The following CCDC3 variants were observed in gnomAD, a reference collection of about 807,000 sequenced individuals.
CCDC3 encodes coiled-coil domain containing 3, also known as coiled-coil domain-containing protein 3.
Under a neutral mutation model 21.4 loss-of-function variants are expected in CCDC3, and 24 were observed. That is an observed-to-expected ratio of 1.12 (90% confidence interval 0.81 to 1.58). CCDC3 has a LOEUF of 1.58. Ranked by LOEUF, CCDC3 falls within the 40% of genes most tolerant of loss-of-function variation. The probability of loss-of-function intolerance (pLI) is 0.00; values close to 1 mark genes in which losing one functional copy is unlikely to be tolerated. For synonymous variants in CCDC3, 186 were observed against 166.0 expected (o/e 1.12, Z -0.93); for missense variants, 425 against 360.9 (o/e 1.18, Z -1.44).
rs1430755136 is a variant in CCDC3 at position 13,036,515 on chromosome 10, C to T, written c.-2+13159G>A. On this transcript the variant is annotated intron_variant, in intron 5 of 6. Coordinates refer to the CCDC3 transcript ENST00000378839. Reference sequence around the variant, plus strand: ...TGTTTTTGTTTTTCAGATGGAGTCTCGCTCTGTGGTCTAGGCTGGAGTGCA... The same window carrying T: ...TGTTTTTGTTTTTCAGATGGAGTCTTGCTCTGTGGTCTAGGCTGGAGTGCA... 3.9e-5 allele frequency among the ~76,000 whole-genome samples: 6 copies of T among 152,216 alleles called. No individual in the cohort carries two copies. The East Asian group carries it at 1.2e-3, about 29-fold the overall frequency.
At chr10:13,075,023 G>C (rs1057197090) in intron 3 of CCDC3, among the ~76,000 whole-genome samples, 1 of 152,158 alleles carries the variant, frequency 6.6e-6, no homozygotes, top group Admixed American at 6.5e-5. Context: ...GCTGGACATG[G>C]ACAAACAATC....
intron 2 of CCDC3, among the ~76,000 whole-genome samples, chr10:12,933,709 C>G (rs993026359): frequency 3.9e-5 from 6 of 152,212 alleles, no homozygotes; most frequent in Non-Finnish European, 5.9e-5. Flanking sequence ...CCGCCCGACT[C>G]GGCCTCCCAA....
chr10:13,041,534 TTTTTTTTTTG>T (rs1836455974), intron 5 of CCDC3, among the ~76,000 whole-genome samples: 1 of 102,474 alleles, frequency 9.8e-6, no homozygotes, highest in Non-Finnish European at 2.1e-5. Context: ...TTTTTTTTTT[TTTTTTTTTTG>T]AGCCAGAGTC....
intron 2 of CCDC3, among the ~76,000 whole-genome samples, chr10:12,926,808 T>G (rs1178417279): frequency 6.6e-6 from 1 of 152,146 alleles, no homozygotes; most frequent in Admixed American, 6.5e-5. Context: ...AAAGTAGACT[T>G]CAGAACAACA....
chr10:12,898,433 G>A lies in CCDC3; in HGVS notation c.796C>T (p.Pro266Ser), dbSNP rs763414580. The A allele has an allele frequency of 1.2e-6, 2 of 1,603,900 alleles. No individual in the cohort carries two copies. The highest frequency in any genetic ancestry group is 1.7e-6 in the Non-Finnish European group (2 of 1,173,964). ...HINARGPVRP[P>S]YLRG ...CAGGCCCGTTACCCCCGCAGGTAGG[G>A]GGGGCGCACGGGCCCCCGGGCATTG... is the stretch of plus-strand genomic sequence containing the variant. Residue 266 changes from proline to serine, a missense_variant, in exon 3 of 3, where the codon CCC (proline) becomes TCC (serine). Physicochemically the swap from Pro to Ser is moderately conservative, Grantham distance 74 (BLOSUM62 -1). Transcript: ENST00000378825.
chr10:12,980,509 G>A (rs1835480750), intron 2 of CCDC3, among the ~76,000 whole-genome samples: 1 of 152,194 alleles, frequency 6.6e-6, no homozygotes, highest in African/African-American at 2.4e-5. Context: ...TGATGGATGG[G>A]ATGAGGCAGA....
intron 3 of CCDC3, among the ~76,000 whole-genome samples, chr10:13,084,677 G>A (rs1161619997): frequency 6.6e-6 from 1 of 152,174 alleles, no homozygotes; most frequent in African/African-American, 2.4e-5. Flanking sequence ...ACCCTCTCTT[G>A]GGGTCTAGAT....
At chr10:13,062,984 A>G (rs952832014) in intron 4 of CCDC3, among the ~76,000 whole-genome samples, 41 of 151,194 alleles carry the variant, frequency 2.7e-4, no homozygotes, top group Middle Eastern at 6.9e-3. Context: ...TCTCTGACCA[A>G]TCAGCACCCT....
At chr10:12,935,457 T>C (rs1295344752) in intron 2 of CCDC3, among the ~76,000 whole-genome samples, 1 of 152,226 alleles carries the variant, frequency 6.6e-6, no homozygotes, top group Non-Finnish European at 1.5e-5. Flanking sequence ...AAAGTGACTA[T>C]TGGTATAGTT....
chr10:12,923,467 C>T (rs1320212025), intron 2 of CCDC3, among the ~76,000 whole-genome samples: 2 of 152,130 alleles, frequency 1.3e-5, no homozygotes, highest in Admixed American at 6.5e-5. Flanking sequence ...GTTTGCATGG[C>T]CAATGTGATG....
At chr10:12,983,733 T>C (rs549552967) in intron 2 of CCDC3, among the ~76,000 whole-genome samples, 1 of 149,020 alleles carries the variant, frequency 6.7e-6, no homozygotes, top group South Asian at 2.1e-4. Flanking sequence ...AGATGGTAAA[T>C]GTACAGATGA....
intron 3 of CCDC3, among the ~76,000 whole-genome samples, chr10:13,077,904 C>T (rs1419067743): frequency 6.6e-6 from 1 of 152,258 alleles, no homozygotes; most frequent in Admixed American, 6.5e-5. Context: ...ACCATAAAAA[C>T]CCTAGAAGAA....
chr10:13,023,440 A>T (rs946810241), intron 5 of CCDC3, among the ~76,000 whole-genome samples: 2 of 152,062 alleles, frequency 1.3e-5, no homozygotes, highest in Non-Finnish European at 2.9e-5. Flanking sequence ...CAGTTCTCCT[A>T]CCCAAAGTTG....
At chr10:13,073,370 G>GAAAACAC (rs74312394) in intron 4 of CCDC3, among the ~76,000 whole-genome samples, 31,502 of 152,020 alleles carry the variant, frequency 0.21, 3,825 homozygotes, top group East Asian at 0.29. Flanking sequence ...TGAGCTGGAA[G>GAAAACAC]ATGCACAGAC....
intron 2 of CCDC3, among the ~76,000 whole-genome samples, chr10:12,946,278 A>G (rs72777416): frequency 0.029 from 4,403 of 152,354 alleles, 91 homozygotes; most frequent in Middle Eastern, 0.051. Context: ...GGCTGCGTCA[A>G]TGTCTGAGCA....
intron 2 of CCDC3, among the ~76,000 whole-genome samples, chr10:12,977,268 T>C (rs773159953): frequency 6.8e-6 from 1 of 146,660 alleles, no homozygotes; most frequent in Non-Finnish European, 1.5e-5. Flanking sequence ...GAGCGAGACC[T>C]TGTCTCAAAA....
At chr10:13,075,673 T>C (rs2131443538) in intron 3 of CCDC3, among the ~76,000 whole-genome samples, 1 of 152,326 alleles carries the variant, frequency 6.6e-6, no homozygotes. Flanking sequence ...TAGAATTGGA[T>C]GAGCCTTCAA....
intron 2 of CCDC3, among the ~76,000 whole-genome samples, chr10:12,945,813 T>G (rs1447603184): frequency 6.6e-6 from 1 of 152,246 alleles, no homozygotes; most frequent in African/African-American, 2.4e-5. Flanking sequence ...ATAACTATGT[T>G]CAAGTTATTT....
intron 2 of CCDC3, among the ~76,000 whole-genome samples, chr10:12,988,715 G>A (rs1227888082): frequency 6.6e-6 from 1 of 152,090 alleles, no homozygotes. Flanking sequence ...TACATTCATT[G>A]ATGTAGTGAC....
Sources: allele counts gnomAD v4.1 joint callset (sites outside exome capture counted in the v4.1 genomes callset), GRCh38; gene constraint gnomAD v4.1.1; transcripts MANE v1.5; gene names NCBI Gene and HGNC (gene_info 2026-07-23, HGNC 2026-07-21).